Variants in RSPO2 observed in about 807,000 individuals in gnomAD.
The protein encoded by RSPO2 is R-spondin-2.
In RSPO2, 14 loss-of-function variants were observed where a neutral mutation model predicts 30.9. The ratio of observed to expected loss-of-function variants is 0.45; its 90% CI spans 0.30 to 0.71. The LOEUF (loss-of-function observed/expected upper bound fraction) is 0.71, where lower values mean the gene tolerates loss of function less well. Among genes scored for constraint, RSPO2 ranks in the 30% least tolerant of loss-of-function variants. RSPO2 has a pLI of 0.08. For synonymous variants in RSPO2, 107 were observed against 96.4 expected (o/e 1.11, Z -0.64); for missense variants, 264 against 301.9 (o/e 0.87, Z 0.93).
intron 2 of RSPO2, among the ~76,000 whole-genome samples, chr8:108,047,427 T>C (rs904177015): frequency 6.6e-6 from 1 of 152,220 alleles, no homozygotes; most frequent in African/African-American, 2.4e-5. Flanking sequence ...TGACCATATA[T>C]GCTCTTCAAA....
intron 5 of RSPO2, among the ~76,000 whole-genome samples, chr8:107,909,268 T>G (rs1411861374): frequency 2.0e-5 from 3 of 149,836 alleles, no homozygotes; most frequent in Admixed American, 6.7e-5. Context: ...TGTTTTTTTT[T>G]TTTTTTTTTT....
chr8:107,911,664 C>T (rs189038855), intron 5 of RSPO2, among the ~76,000 whole-genome samples: 2 of 152,280 alleles, frequency 1.3e-5, no homozygotes, highest in East Asian at 3.9e-4. Flanking sequence ...CTTACAGCAA[C>T]TCGCAAAGCA....
chr8:108,063,343 T>G (rs559209109), intron 2 of RSPO2, among the ~76,000 whole-genome samples: 1 of 151,738 alleles, frequency 6.6e-6, no homozygotes, highest in South Asian at 2.1e-4. Context: ...TCTCAGGATA[T>G]AAAATCAACC....
intron 3 of RSPO2, among the ~76,000 whole-genome samples, chr8:107,980,508 A>G (rs1053356308): frequency 6.6e-6 from 1 of 152,230 alleles, no homozygotes; most frequent in South Asian, 2.1e-4. Flanking sequence ...TTTGATAAAG[A>G]TTAAACCTAA....
chr8:107,908,614 T>C (rs1586531473), intron 5 of RSPO2, among the ~76,000 whole-genome samples: 1 of 152,198 alleles, frequency 6.6e-6, no homozygotes, highest in Non-Finnish European at 1.5e-5. Context: ...TCTAATTTCT[T>C]AAATACTTTT....
chr8:108,064,261 A>C (rs1395702630), intron 2 of RSPO2, among the ~76,000 whole-genome samples: 1 of 152,204 alleles, frequency 6.6e-6, no homozygotes, highest in Non-Finnish European at 1.5e-5. Flanking sequence ...GAATGGGAGA[A>C]AATTTTTGCA....
At chr8:107,980,998 TTTTTAA>T (rs1312552837) in intron 3 of RSPO2, among the ~76,000 whole-genome samples, 5 of 152,352 alleles carry the variant, frequency 3.3e-5, no homozygotes, top group East Asian at 1.9e-4. Flanking sequence ...ACATTTGTTA[TTTTTAA>T]TTTTATTTCT....
At chr8:108,037,650 T>A (rs971912033) in intron 2 of RSPO2, among the ~76,000 whole-genome samples, 1 of 152,320 alleles carries the variant, frequency 6.6e-6, no homozygotes, top group Non-Finnish European at 1.5e-5. Context: ...GATGTGAATG[T>A]CTAACTTCAA....
Position 108,082,749 on chromosome 8 carries a change from C to T in RSPO2, c.-111G>A. The T allele has an allele frequency of 2.5e-6, 2 of 800,622 alleles. No homozygotes were observed. The highest frequency in any genetic ancestry group is 2.3e-5 in the Admixed American group (1 of 43,088). The allele number at this position is 800,622 out of a possible 1,614,324, so 49.6% of individuals were successfully genotyped here. On this transcript the variant is annotated 5_prime_UTR_variant, in exon 2 of 6. Transcript: ENST00000276659. The stretch of plus-strand genomic sequence containing the variant: ...GGGGAGGACTCAGAGGGAGACTCGC[C>T]ACTCACCCCCGGGCCGCACCGGTCA...
chr8:108,065,036 G>A (rs1158511747), intron 2 of RSPO2, among the ~76,000 whole-genome samples: 4 of 151,988 alleles, frequency 2.6e-5, no homozygotes, highest in Non-Finnish European at 5.9e-5. Context: ...TGGGGAGAAG[G>A]GGGAGGGATA....
rs1586624284 is a variant in RSPO2 at position 108,009,595 on chromosome 8, T to C, written c.95-20351A>G. 2.0e-5 allele frequency among the ~76,000 whole-genome samples: 3 copies of C among 152,358 alleles called. No individual in the cohort carries two copies. The South Asian group carries it at 6.2e-4, about 32-fold the overall frequency. On this transcript the variant is annotated intron_variant, in intron 2 of 5. Transcript: ENST00000276659. ...GATAATTTTAAAATTTATTTTTAGC[T>C]CTTAGCTTTTTCTTCATTCAAATGC... is the stretch of plus-strand genomic sequence containing the variant.
chr8:108,026,555 C>T (rs1811224560), intron 2 of RSPO2, among the ~76,000 whole-genome samples: 1 of 151,986 alleles, frequency 6.6e-6, no homozygotes, highest in Non-Finnish European at 1.5e-5. Context: ...TATAATATAG[C>T]AAGTATGAAG....
intron 2 of RSPO2, among the ~76,000 whole-genome samples, chr8:108,001,481 C>T (rs1815246748): frequency 6.6e-6 from 1 of 152,076 alleles, no homozygotes; most frequent in Admixed American, 6.5e-5. Flanking sequence ...CGTTAATTCT[C>T]ACAGGTAATG....
At position 107,920,592 on chromosome 8, in the gene RSPO2, A is replaced by G. The variant is rs140463317; in HGVS notation, c.617-19402T>C. ...CCATATTTATTCCATAAAACTGCAT[A>G]AATGGTGCATTTCACAATTTGAGTA... is the stretch of plus-strand genomic sequence containing the variant. On this transcript the variant is annotated intron_variant, in intron 5 of 5. Coordinates refer to ENST00000276659, the MANE Select transcript of RSPO2 (RefSeq NM_178565.5). Among the ~76,000 whole-genome samples the G allele has an allele frequency of 1.1e-3, 170 of 152,296 alleles. 1 individual carries two copies. The highest frequency in any genetic ancestry group is 3.7e-3 in the African/African-American group (155 of 41,582).
intron 4 of RSPO2, among the ~76,000 whole-genome samples, 156 bp downstream of exon 4, chr8:107,960,518 A>G (rs1466335436): frequency 3.3e-5 from 5 of 152,238 alleles, no homozygotes; most frequent in African/African-American, 1.2e-4. Context: ...TCCAATTGTC[A>G]TGATGCTTAA....
chr8:107,994,912 G>A (rs1381018986), intron 2 of RSPO2, among the ~76,000 whole-genome samples: 1 of 151,940 alleles, frequency 6.6e-6, no homozygotes, highest in East Asian at 1.9e-4. Flanking sequence ...ACAATTTAAT[G>A]GCCATTATAT....
chr8:108,047,398 G>A (rs926632246), intron 2 of RSPO2, among the ~76,000 whole-genome samples: 2 of 152,172 alleles, frequency 1.3e-5, no homozygotes, highest in African/African-American at 4.8e-5. Context: ...TTGTGATAAT[G>A]ATGAAGAATT....
intron 5 of RSPO2, among the ~76,000 whole-genome samples, chr8:107,950,635 GTC>G (rs1475764717): frequency 6.6e-6 from 1 of 151,564 alleles, no homozygotes; most frequent in Non-Finnish European, 1.5e-5. Flanking sequence ...AGTTTCCAAA[GTC>G]CTCAAACACA....
intron 2 of RSPO2, among the ~76,000 whole-genome samples, chr8:107,996,368 G>A (rs1331069713): frequency 6.6e-6 from 1 of 152,124 alleles, no homozygotes; most frequent in South Asian, 2.1e-4. Context: ...TAAGGCAAGG[G>A]CAAGGGTTGC....
Sources: allele counts gnomAD v4.1 joint callset (sites outside exome capture counted in the v4.1 genomes callset), GRCh38; gene constraint gnomAD v4.1.1; transcripts MANE v1.5; gene names NCBI Gene and HGNC (gene_info 2026-07-23, HGNC 2026-07-21).